PCDHA6: variants seen among roughly 807,000 people sequenced by gnomAD.
PCDHA6 encodes the protein protocadherin alpha-6.
In PCDHA6, 55 loss-of-function variants were observed where a neutral mutation model predicts 60.3. That is an observed-to-expected ratio of 0.91 (90% confidence interval 0.73 to 1.14). The LOEUF is 1.14. Among genes scored for constraint, PCDHA6 ranks in the 50% most tolerant of loss-of-function variants. The pLI, the probability that PCDHA6 is intolerant of heterozygous loss-of-function variation, is 0.00. For missense variants in PCDHA6, 1,327 were observed against 1,256.5 expected (o/e 1.06, Z -0.85); for synonymous variants, 652 against 557.9 (o/e 1.17, Z -2.38).
chr5:140,992,390 C>T (rs1007853972), intron 3 of PCDHA6, among the ~76,000 whole-genome samples: 1 of 152,082 alleles, frequency 6.6e-6, no homozygotes, highest in Admixed American at 6.6e-5. Context: ...GTGTTCTGGA[C>T]TTAGAGATAT....
intron 1 of PCDHA6, chr5:140,968,575 G>C: frequency 6.2e-7 from 1 of 1,614,134 alleles, no homozygotes; most frequent in Non-Finnish European, 8.5e-7. Context: ...CTGGCTACCT[G>C]GTCACCAAAG....
intron 1 of PCDHA6, among the ~76,000 whole-genome samples, chr5:140,947,914 GCCTTAAC>G (rs2094192185): frequency 6.6e-6 from 1 of 151,456 alleles, no homozygotes. Context: ...AGACATTCTT[GCCTTAAC>G]CCTGATCTTA....
chr5:140,978,457 C>G (rs1223652568), intron 1 of PCDHA6, among the ~76,000 whole-genome samples: 1 of 152,182 alleles, frequency 6.6e-6, no homozygotes, highest in Non-Finnish European at 1.5e-5. Context: ...GCACATCCGC[C>G]CTGGGTCAAA....
At chr5:140,983,226 T>C (rs892083218) in intron 3 of PCDHA6, among the ~76,000 whole-genome samples, 1 of 152,216 alleles carries the variant, frequency 6.6e-6, no homozygotes, top group Non-Finnish European at 1.5e-5. Context: ...ATCCAAACTT[T>C]CAGGAAAGAG....
At chr5:140,900,177 A>G (rs1213706705) in intron 1 of PCDHA6, among the ~76,000 whole-genome samples, 1 of 152,194 alleles carries the variant, frequency 6.6e-6, no homozygotes, top group South Asian at 2.1e-4. Context: ...TGCCTGGTTT[A>G]TGTCACTTAT....
At chr5:140,984,157 C>G (rs1187103463) in intron 3 of PCDHA6, among the ~76,000 whole-genome samples, 1 of 152,228 alleles carries the variant, frequency 6.6e-6, no homozygotes, top group Non-Finnish European at 1.5e-5. Flanking sequence ...AAGGTGAGAA[C>G]TTCCCAAAGA....
intron 1 of PCDHA6, chr5:140,843,073 T>A: frequency 6.3e-7 from 1 of 1,595,338 alleles, no homozygotes; most frequent in East Asian, 2.2e-5. Flanking sequence ...TGCCGCGGTC[T>A]GTGGGCGCGG....
At chr5:140,855,255 A>G (rs2043396159) in intron 1 of PCDHA6, among the ~76,000 whole-genome samples, 1 of 149,836 alleles carries the variant, frequency 6.7e-6, no homozygotes, top group Non-Finnish European at 1.5e-5. Context: ...AGCACTTACT[A>G]TATTATAATT....
chr5:140,905,891 G>A (rs1486335678), intron 1 of PCDHA6, among the ~76,000 whole-genome samples: 2 of 152,162 alleles, frequency 1.3e-5, no homozygotes, highest in African/African-American at 4.8e-5. Context: ...TAGGCCATCT[G>A]CAAGCTGAGG....
At chr5:140,968,795 A>G in intron 1 of PCDHA6, 2 of 1,614,210 alleles carry the variant, frequency 1.2e-6, no homozygotes, top group Non-Finnish European at 1.7e-6. Context: ...TGTGGCCATT[A>G]CAGTAGCTGT....
intron 1 of PCDHA6, chr5:140,836,076 C>A (rs1387042597): frequency 5.6e-6 from 9 of 1,613,592 alleles, no homozygotes; most frequent in Non-Finnish European, 7.6e-6. Flanking sequence ...CGCGCCGGCA[C>A]TGCTGGCGCC....
At chr5:140,970,893 T>C (rs568576965) in intron 1 of PCDHA6, among the ~76,000 whole-genome samples, 3 of 152,200 alleles carry the variant, frequency 2.0e-5, no homozygotes, top group Non-Finnish European at 4.4e-5. Context: ...CATGGACATT[T>C]CAGATAGATT....
chr5:140,926,880 G>A lies in PCDHA6; in HGVS notation c.2395-52069G>A. 4 of 1,534,946 alleles carry A rather than the reference G, an allele frequency of 2.6e-6. No homozygotes were observed. The South Asian group carries it at 3.8e-5, about 15-fold the overall frequency. On this transcript the variant is annotated intron_variant, in intron 1 of 3. Transcript: ENST00000529310. ...TGTAGCGTGTTGGTGGAACGTGGAC[G>A]CCTAGAGGGAGGATGGTGGGCTGTG...
chr5:140,846,369 CTTTCTTTTTTT>C (rs1554141260), intron 1 of PCDHA6, among the ~76,000 whole-genome samples: 1 of 102,192 alleles, frequency 9.8e-6, no homozygotes, highest in Admixed American at 1.1e-4. Context: ...TCTTTTCTTT[CTTTCTTTTTTT>C]TTTTTTTTTT....
chr5:140,959,646 G>A (rs1222418847), intron 1 of PCDHA6, among the ~76,000 whole-genome samples: 5 of 152,010 alleles, frequency 3.3e-5, no homozygotes, highest in Admixed American at 6.6e-5. Context: ...AAACACAGAA[G>A]CAAAATTGAA....
chr5:140,874,295 C>G (rs1395734627), intron 1 of PCDHA6, among the ~76,000 whole-genome samples: 2 of 152,110 alleles, frequency 1.3e-5, no homozygotes, highest in Non-Finnish European at 2.9e-5. Context: ...TCTATGTGTA[C>G]TTGTTCACAA....
At chr5:140,849,982 A>T (rs2150461317) in intron 1 of PCDHA6, 3 of 1,597,430 alleles carry the variant, frequency 1.9e-6, no homozygotes, top group Non-Finnish European at 2.6e-6. Flanking sequence ...TCGCTGGTGG[A>T]GCGGCGGTTG....
At chr5:140,954,592 T>G (rs1250050362) in intron 1 of PCDHA6, among the ~76,000 whole-genome samples, 13 of 152,236 alleles carry the variant, frequency 8.5e-5, no homozygotes, top group Non-Finnish European at 5.9e-5. Flanking sequence ...TCTGTTCATG[T>G]TCTTTGCCCA....
At chr5:140,860,133 G>GTA (rs1366023813) in intron 1 of PCDHA6, 4 of 149,192 alleles carry the variant, frequency 2.7e-5, no homozygotes, top group Non-Finnish European at 5.9e-5. Flanking sequence ...GTGTGTGTGT[G>GTA]TATATATATG....
Sources: allele counts gnomAD v4.1 joint callset (sites outside exome capture counted in the v4.1 genomes callset), GRCh38; gene constraint gnomAD v4.1.1; transcripts MANE v1.5; gene names NCBI Gene and HGNC (gene_info 2026-07-23, HGNC 2026-07-21).